MICAL2: variants seen among roughly 807,000 people sequenced by gnomAD.
MICAL2 encodes the protein microtubule associated monooxygenase, calponin and LIM domain containing 2.
Under a neutral mutation model 127.3 loss-of-function variants are expected in MICAL2, and 77 were observed. The ratio of observed to expected loss-of-function variants is 0.60; its 90% confidence interval spans 0.50 to 0.73. The LOEUF is 0.73. Among genes scored for constraint, MICAL2 ranks in the 30% least tolerant of loss-of-function variants. The pLI is 0.00. For synonymous variants in MICAL2, 570 were observed against 551.1 expected (o/e 1.03, Z -0.48); for missense variants, 1,351 against 1,434.4 (o/e 0.94, Z 0.94).
At chr11:12,202,142 A>C (rs1028778992) in intron 3 of MICAL2, among the ~76,000 whole-genome samples, 1 of 151,732 alleles carries the variant, frequency 6.6e-6, no homozygotes, top group African/African-American at 2.4e-5. Context: ...AAAGACTTTT[A>C]CCATTTGGCT....
At chr11:12,333,589 G>A (rs1343473619) in intron 32 of MICAL2, among the ~76,000 whole-genome samples, 1 of 152,084 alleles carries the variant, frequency 6.6e-6, no homozygotes, top group African/African-American at 2.4e-5. Context: ...AAAAAATTTT[G>A]TTGTTTCCAG....
intron 4 of MICAL2, among the ~76,000 whole-genome samples, chr11:12,207,467 G>C (rs1854851084): frequency 6.6e-6 from 1 of 152,226 alleles, no homozygotes; most frequent in Non-Finnish European, 1.5e-5. Context: ...CCACTCACTA[G>C]GGGAGTTTTG....
At chr11:12,132,212 T>C (rs1160903781) in intron 1 of MICAL2, among the ~76,000 whole-genome samples, 1 of 152,184 alleles carries the variant, frequency 6.6e-6, no homozygotes, top group Non-Finnish European at 1.5e-5. Context: ...ACTCAGCAAA[T>C]GCTGGTTGAA....
intron 1 of MICAL2, among the ~76,000 whole-genome samples, chr11:12,125,031 C>T (rs1850802241): frequency 6.6e-6 from 1 of 152,224 alleles, no homozygotes; most frequent in Middle Eastern, 3.2e-3. Context: ...TGATGAAACT[C>T]TCTGCAAAGC....
chr11:12,225,130 A>G (rs1190230025), intron 13 of MICAL2, among the ~76,000 whole-genome samples: 3 of 146,398 alleles, frequency 2.0e-5, no homozygotes, highest in Non-Finnish European at 4.5e-5. Flanking sequence ...CACACCTTGG[A>G]GCTTCACCCT....
chr11:12,304,981 T>A (rs928294816), intron 29 of MICAL2, among the ~76,000 whole-genome samples: 2 of 152,214 alleles, frequency 1.3e-5, no homozygotes, highest in Non-Finnish European at 2.9e-5. Flanking sequence ...TGAATGGGAT[T>A]GTATTGAATC....
chr11:12,155,725 C>T (rs1404104360), intron 2 of MICAL2, among the ~76,000 whole-genome samples: 5 of 152,252 alleles, frequency 3.3e-5, no homozygotes, highest in Non-Finnish European at 7.3e-5. Flanking sequence ...AGTCTTACCT[C>T]CCCCACGTCC....
At chr11:12,168,420 C>A (rs1872564) in intron 3 of MICAL2, among the ~76,000 whole-genome samples, 149,067 of 151,752 alleles carry the variant, frequency 0.98, 73,258 homozygotes, top group East Asian at 1. Flanking sequence ...TACATACCCC[C>A]CACACACCAT....
At chr11:12,342,431 T>C (rs1223993716) in intron 32 of MICAL2, among the ~76,000 whole-genome samples, 1 of 152,256 alleles carries the variant, frequency 6.6e-6, no homozygotes, top group Non-Finnish European at 1.5e-5. Flanking sequence ...TTATGAGTTT[T>C]TGTTAACTTC....
downstream of MICAL2, chr11:12,292,033 A>G: frequency 5.2e-6 from 7 of 1,341,050 alleles, no homozygotes; most frequent in Non-Finnish European, 7.1e-6. Context: ...AGGCTCTGAC[A>G]TCTTCCTCTT....
intron 1 of MICAL2, among the ~76,000 whole-genome samples, chr11:12,122,494 T>G (rs1850587741): frequency 6.6e-6 from 1 of 152,202 alleles, no homozygotes; most frequent in Non-Finnish European, 1.5e-5. Context: ...CTGCAACCTC[T>G]GCTTCCCAGG....
In MICAL2 at chr11:12,180,350, T is replaced by TATATATATATATATATATATA. The variant is rs1554968182; in HGVS notation, c.264+17931_264+17932insATATATATATATATATATATA. ...TTATATACATGTATATATGTATATA[T>TATATATATATATATATATATA]TTTTTTTTTGGCAGGAAGGTTTCCC... On this transcript the variant is annotated intron_variant, in intron 3 of 27. Transcript: ENST00000683283. Among the ~76,000 whole-genome samples, 566 of 103,900 alleles carry TATATATATATATATATATATA rather than the reference T, an allele frequency of 5.4e-3. 6 individuals carry two copies. Among genetic ancestry groups the TATATATATATATATATATATA allele is most frequent in the Admixed American group, 0.015 (174 of 11,560 alleles). The allele number at this position is 103,900 out of a possible 152,430, so 68.2% of individuals were successfully genotyped here.
At chr11:12,272,583 G>A (rs903328153), upstream of MICAL2, among the ~76,000 whole-genome samples, 4 of 152,172 alleles carry the variant, frequency 2.6e-5, no homozygotes, top group African/African-American at 9.7e-5. Context: ...ATGGAGCTGG[G>A]TCTTTGCCAC....
exon 35 of MICAL2, chr11:12,358,356 A>G (rs748366282): frequency 6.2e-7 from 1 of 1,614,174 alleles, no homozygotes; most frequent in Non-Finnish European, 8.5e-7. Context: ...AGCTGATGCA[A>G]GTGATTGAGC....
intron 6 of MICAL2, among the ~76,000 whole-genome samples, chr11:12,210,684 C>A (rs1357765016): frequency 6.6e-6 from 1 of 152,210 alleles, no homozygotes; most frequent in Non-Finnish European, 1.5e-5. Flanking sequence ...ATTTGAGAAT[C>A]CAGGACCCAT....
chr11:12,176,828 A>C (rs1856894175), intron 3 of MICAL2, among the ~76,000 whole-genome samples: 1 of 152,232 alleles, frequency 6.6e-6, no homozygotes, highest in East Asian at 1.9e-4. Context: ...TTTATGGCTG[A>C]ATAATATTCC....
At chr11:12,332,080 C>CA (rs1452867908) in intron 32 of MICAL2, among the ~76,000 whole-genome samples, 1 of 152,114 alleles carries the variant, frequency 6.6e-6, no homozygotes, top group East Asian at 1.9e-4. Flanking sequence ...CCACCGCCCC[C>CA]AAAAAACAGT....
chr11:12,142,698 A>C (rs759447369), intron 2 of MICAL2, among the ~76,000 whole-genome samples: 1 of 152,254 alleles, frequency 6.6e-6, no homozygotes, highest in Non-Finnish European at 1.5e-5. Flanking sequence ...AGGTTTACAT[A>C]TATTACCTTG....
At chr11:12,175,976 G>T (rs1406274985) in intron 3 of MICAL2, among the ~76,000 whole-genome samples, 2 of 152,188 alleles carry the variant, frequency 1.3e-5, no homozygotes, top group African/African-American at 4.8e-5. Context: ...GCCACAGGAG[G>T]CTTTGAGTGG....
Sources: gnomAD v4.1 joint callset for allele counts (sites outside exome capture counted in the v4.1 genomes callset) on GRCh38, gnomAD v4.1.1 for gene constraint, MANE v1.5 for transcripts, NCBI Gene and HGNC (gene_info 2026-07-23, HGNC 2026-07-21) for gene names.